The following CAST variants were observed in gnomAD, a reference collection of about 807,000 sequenced individuals.
CAST encodes the protein calpastatin.
A neutral mutation model predicts 119.6 loss-of-function variants in CAST; 76 were observed. That is an observed-to-expected ratio of 0.64 (90% CI 0.53 to 0.77). The LOEUF (loss-of-function observed/expected upper bound fraction) is 0.77. Among genes scored for constraint, CAST ranks in the 30% least tolerant of loss-of-function variants. The pLI is 0.00. For synonymous variants in CAST, 319 were observed against 331.6 expected, an observed-to-expected ratio of 0.96 and a Z score of 0.41; for missense variants, 953 against 946.5, an observed-to-expected ratio of 1.01 and a Z score of -0.09.
the CAST span, among the ~76,000 whole-genome samples, chr5:96,372,173 C>A: frequency 6.6e-6 from 1 of 152,184 alleles, no homozygotes; most frequent in Non-Finnish European, 1.5e-5. Context: ...AGGATTGGAA[C>A]CCAGGTTTAT....
At chr5:96,606,692 T>A (rs999254978) in intron 1 of CAST, among the ~76,000 whole-genome samples, 1 of 152,220 alleles carries the variant, frequency 6.6e-6, no homozygotes. Context: ...ATGCTCCCAA[T>A]CACCTTTTTG....
At chr5:96,099,149 C>T in the CAST span, among the ~76,000 whole-genome samples, 27 of 152,222 alleles carry the variant, frequency 1.8e-4, 1 homozygote, top group Non-Finnish European at 3.4e-4. Context: ...TATAGGAGTG[C>T]TAGTGATTTT....
chr5:96,081,816 G>C, the CAST span, among the ~76,000 whole-genome samples: 1 of 152,192 alleles, frequency 6.6e-6, no homozygotes, highest in Non-Finnish European at 1.5e-5. Flanking sequence ...AAAAATTTAA[G>C]TAAAGATGTC....
At chr5:96,256,432 G>A in the CAST span, among the ~76,000 whole-genome samples, 3 of 150,044 alleles carry the variant, frequency 2.0e-5, no homozygotes, top group Non-Finnish European at 3.0e-5. Context: ...GATACATTCT[G>A]AGAAATGTGT....
the CAST span, chr5:96,429,335 T>A: frequency 7.6e-7 from 1 of 1,318,660 alleles, no homozygotes; most frequent in Non-Finnish European, 1.1e-6. Context: ...AGGAAAGAAA[T>A]AAAATAAATA....
intron 1 of CAST, among the ~76,000 whole-genome samples, chr5:96,619,881 G>A (rs554491450): frequency 1.1e-4 from 17 of 152,304 alleles, no homozygotes; most frequent in South Asian, 4.1e-4. Context: ...AGTATGGTGG[G>A]TTACCTGACT....
the CAST span, among the ~76,000 whole-genome samples, chr5:96,381,680 G>T: frequency 1.3e-5 from 2 of 152,196 alleles, no homozygotes; most frequent in Non-Finnish European, 2.9e-5. Context: ...AGGTGCGCTG[G>T]TGAGTGCAGC....
the CAST span, among the ~76,000 whole-genome samples, chr5:96,103,779 G>A: frequency 6.6e-6 from 1 of 151,992 alleles, no homozygotes; most frequent in South Asian, 2.1e-4. Flanking sequence ...TCACCACACT[G>A]ACTTCCACAA....
the CAST span, among the ~76,000 whole-genome samples, chr5:96,034,251 G>A: frequency 1.3e-5 from 2 of 152,010 alleles, no homozygotes; most frequent in African/African-American, 4.8e-5. Flanking sequence ...ATCACAGTGA[G>A]ATATCATCAC....
chr5:96,452,747 G>A, the CAST span, among the ~76,000 whole-genome samples: 1 of 143,228 alleles, frequency 7.0e-6, no homozygotes, highest in East Asian at 2.0e-4. Flanking sequence ...TCAGGAGATC[G>A]AGACCATCCT....
chr5:96,231,787 A>G, the CAST span, among the ~76,000 whole-genome samples: 1 of 152,150 alleles, frequency 6.6e-6, no homozygotes, highest in Admixed American at 6.6e-5. Flanking sequence ...AAGGCAAAAA[A>G]AAAGCACATT....
chr5:96,260,456 A>G, the CAST span, among the ~76,000 whole-genome samples: 1 of 152,222 alleles, frequency 6.6e-6, no homozygotes, highest in Non-Finnish European at 1.5e-5. Context: ...TCACCCCTGC[A>G]GCTAATGTAG....
At chr5:96,195,549 G>A in the CAST span, among the ~76,000 whole-genome samples, 7 of 152,104 alleles carry the variant, frequency 4.6e-5, no homozygotes, top group African/African-American at 1.7e-4. Context: ...ATTTGTCATG[G>A]CATCAATATT....
the CAST span, among the ~76,000 whole-genome samples, chr5:96,086,643 T>A: frequency 6.8e-6 from 1 of 147,270 alleles, no homozygotes; most frequent in Non-Finnish European, 1.5e-5. Flanking sequence ...AAAAAATGGT[T>A]CCTTTGACAC....
the CAST span, among the ~76,000 whole-genome samples, chr5:96,104,147 T>C: frequency 1.3e-5 from 2 of 152,222 alleles, no homozygotes; most frequent in Non-Finnish European, 2.9e-5. Flanking sequence ...CTTTGTCAGA[T>C]GAGTAGGTTG....
chr5:96,279,565 A>C, the CAST span, among the ~76,000 whole-genome samples: 1 of 152,196 alleles, frequency 6.6e-6, no homozygotes, highest in African/African-American at 2.4e-5. Context: ...TTAATTCACA[A>C]GCAAAGGATG....
chr5:96,673,380 C>G (rs745593293), intron 1 of CAST, among the ~76,000 whole-genome samples: 1 of 152,140 alleles, frequency 6.6e-6, no homozygotes, highest in African/African-American at 2.4e-5. Context: ...GTTCAGAGAG[C>G]TCAGTACACT....
At chr5:96,153,205 CTG>C in the CAST span, among the ~76,000 whole-genome samples, 1 of 152,176 alleles carries the variant, frequency 6.6e-6, no homozygotes, top group Admixed American at 6.5e-5. Context: ...TCAGGCAAAT[CTG>C]TATTTGAACA....
intron 2 of CAST, among the ~76,000 whole-genome samples, chr5:96,685,709 T>A (rs1241589227): frequency 6.6e-6 from 1 of 152,218 alleles, no homozygotes; most frequent in South Asian, 2.1e-4. Flanking sequence ...GATTATCAAC[T>A]CTTTTTGTGC....
Sources: gnomAD v4.1 joint callset for allele counts (sites outside exome capture counted in the v4.1 genomes callset) on GRCh38, gnomAD v4.1.1 for gene constraint, MANE v1.5 for transcripts, NCBI Gene and HGNC (gene_info 2026-07-23, HGNC 2026-07-21) for gene names.